The following DUSP22 variants were observed in gnomAD, a reference collection of about 807,000 sequenced individuals.
DUSP22 encodes the protein dual specificity phosphatase 22.
In DUSP22, 24 loss-of-function variants were observed where a neutral mutation model predicts 24.5. The observed-to-expected ratio is 0.98, with a 90% CI of 0.71 to 1.38. The LOEUF (loss-of-function observed/expected upper bound fraction) is 1.38, where lower values mean the gene tolerates loss of function less well. DUSP22 is among the 40% of genes most tolerant of loss of function. DUSP22 has a pLI of 0.00. For synonymous variants in DUSP22, 160 were observed against 106.4 expected (o/e 1.50, Z -3.10); for missense variants, 330 against 269.2 (o/e 1.23, Z -1.58).
intron 3 of DUSP22, among the ~76,000 whole-genome samples, chr6:322,830 T>TC (rs1554100349): frequency 9.6e-4 from 18 of 18,812 alleles, no homozygotes; most frequent in African/African-American, 2.9e-3. Context: ...GGCTGCTTGG[T>TC]GGGGCGGGGG....
chr6:309,183 G>A (rs1476554830), intron 2 of DUSP22, among the ~76,000 whole-genome samples: 1 of 152,304 alleles, frequency 6.6e-6, no homozygotes, highest in African/African-American at 2.4e-5. Context: ...CATGTGCTAT[G>A]TAGATGGCTC....
chr6:320,378 T>C (rs1162700292), intron 3 of DUSP22: 1 of 152,764 alleles, frequency 6.5e-6, no homozygotes, highest in Non-Finnish European at 1.5e-5. Flanking sequence ...TGTGGAGGAC[T>C]CTGCATTCTT....
At chr6:300,610 G>T (rs1006371217) in intron 1 of DUSP22, among the ~76,000 whole-genome samples, 34 of 152,282 alleles carry the variant, frequency 2.2e-4, no homozygotes, top group Admixed American at 5.2e-4. Context: ...TCCAGAAAGG[G>T]CAGAGTCTCC....
rs530697516 is a variant in DUSP22, at chr6:348,941, C to T, written c.608C>T (p.Thr203Met). 307 of 1,600,210 alleles carry T rather than the reference C, an allele frequency of 1.9e-4. No homozygotes were observed. The South Asian group carries it at 2.6e-3, about 13-fold the overall frequency. The change falls in exon 7 of 7, where the codon ACG becomes ATG. Residue 203 changes from threonine (T) to methionine (M), a missense_variant. Physicochemically the swap from Thr to Met is moderately conservative, Grantham distance 81. Coordinates refer to ENST00000419235, the MANE Select transcript of DUSP22 (RefSeq NM_001286555.3). ...CCGCTGACCTACGATAATTATACGA[C>T]GGAGACCTAACGCAAGCGACCTGCT... ...LAPLTYDNYT[T>M]ET
In DUSP22 at chr6:307,767, G is replaced by C. The variant is rs545463856; in HGVS notation, c.55+3106G>C. ...GAACGCTCTTAGGTACTGTGTGTAC[G>C]TGAGTGGTGTGCATTGAGACCATGT... On this transcript the variant is annotated intron_variant, in intron 2 of 6. Transcript: ENST00000419235. Among the ~76,000 whole-genome samples the C allele has an allele frequency of 4.6e-5, 7 of 152,418 alleles. No individual in the cohort carries two copies. The South Asian group carries it at 1.2e-3, about 27-fold the overall frequency.
rs1003371051 is a variant in DUSP22 at position 351,002 on chromosome 6, G to T, written c.*2051G>T. 2 of 1,266,924 alleles carry T rather than the reference G, an allele frequency of 1.6e-6. No homozygotes were observed. The highest frequency in any genetic ancestry group is 2.3e-6 in the Non-Finnish European group (2 of 883,874). The allele number at this position is 1,266,924 out of a possible 1,614,324, so 78.5% of individuals were successfully genotyped here. A position where few individuals can be genotyped will look rare whatever the true frequency, so the allele number is the denominator to read the frequency against. ...TTTTCATTTGAAGCTGAATATATAC[G>T]TAGTCATGTTTATGTTGAGAACTAA... On this transcript the variant is annotated 3_prime_UTR_variant, in exon 7 of 7. Coordinates refer to ENST00000419235, the MANE Select transcript of DUSP22 (RefSeq NM_001286555.3).
chr6:303,559 G>A (rs1463640155), intron 1 of DUSP22, among the ~76,000 whole-genome samples: 3 of 152,310 alleles, frequency 2.0e-5, no homozygotes, highest in Non-Finnish European at 2.9e-5. Context: ...GGGAGTGAAG[G>A]AAGATAGGGG....
At chr6:307,299 C>T (rs868693269) in intron 2 of DUSP22, among the ~76,000 whole-genome samples, 50 of 152,392 alleles carry the variant, frequency 3.3e-4, no homozygotes, top group African/African-American at 8.2e-4. Flanking sequence ...TTCCCCTTCC[C>T]GTTTCCTTTC....
chr6:341,678 A>G (rs952663356), intron 4 of DUSP22, among the ~76,000 whole-genome samples: 4 of 152,308 alleles, frequency 2.6e-5, no homozygotes, highest in Non-Finnish European at 4.4e-5. Context: ...TGGCCCTATC[A>G]TGATGCCTGC....
intron 1 of DUSP22, among the ~76,000 whole-genome samples, chr6:301,205 C>T (rs866105458): frequency 6.6e-6 from 1 of 152,238 alleles, no homozygotes; most frequent in Non-Finnish European, 1.5e-5. Flanking sequence ...GACTGGAAAA[C>T]CAATAAGATA....
Position 304,667 on chromosome 6 carries a change from T to G in DUSP22, c.55+6T>G. On this transcript the variant is annotated splice_donor_region_variant and intron_variant, in intron 2 of 6. Coordinates refer to ENST00000419235, the MANE Select transcript of DUSP22 (RefSeq NM_001286555.3). ...GTACATCGGCAACTTCAAAGGTGAG[T>G]TCTTGCTTTTTTATTGTTGTGATAA... 1 of 1,614,216 alleles carries G rather than the reference T, an allele frequency of 6.2e-7. No individual in the cohort carries two copies.
intron 3 of DUSP22, among the ~76,000 whole-genome samples, chr6:334,202 C>T (rs1335641962): frequency 1.3e-5 from 2 of 152,292 alleles, no homozygotes; most frequent in Non-Finnish European, 2.9e-5. Context: ...TGATGTGTAC[C>T]CCTAACATTG....
chr6:295,869 T>C (rs1389330248), intron 1 of DUSP22, among the ~76,000 whole-genome samples: 1 of 151,900 alleles, frequency 6.6e-6, no homozygotes, highest in East Asian at 1.9e-4. Context: ...TTATAAAATC[T>C]CAGCCTCACG....
At chr6:316,269 T>A (rs1261462376) in intron 3 of DUSP22, among the ~76,000 whole-genome samples, 2 of 152,270 alleles carry the variant, frequency 1.3e-5, no homozygotes, top group Non-Finnish European at 2.9e-5. Flanking sequence ...CCATAGCCCT[T>A]CAGGACTACA....
chr6:349,301 G>GC lies in DUSP22; in HGVS notation c.*350_*351insC. On this transcript the variant is annotated 3_prime_UTR_variant, in exon 7 of 7. Coordinates refer to ENST00000419235, the MANE Select transcript of DUSP22 (RefSeq NM_001286555.3). Reference sequence around the variant, plus strand: ...TATGTGCACCTAAGTGTGTACATGTGTGTATGTTGTGAAAGTGTCTGTGCA... The same window carrying GC: ...TATGTGCACCTAAGTGTGTACATGTGCTGTATGTTGTGAAAGTGTCTGTGCA... 1 of 1,204,406 alleles carries GC rather than the reference G, an allele frequency of 8.3e-7. No individual in the cohort carries two copies. Among genetic ancestry groups the GC allele is most frequent in the Non-Finnish European group, 1.0e-6 (1 of 962,514 alleles). The allele number at this position is 1,204,406 out of a possible 1,614,324, so 74.6% of individuals were successfully genotyped here.
At chr6:328,540 A>G (rs1053054262) in intron 3 of DUSP22, among the ~76,000 whole-genome samples, 2 of 152,302 alleles carry the variant, frequency 1.3e-5, no homozygotes, top group African/African-American at 4.8e-5. Context: ...TCACAGTATC[A>G]AACCAGAGGC....
chr6:326,073 C>A (rs1364087930), intron 3 of DUSP22: 1 of 231,172 alleles, frequency 4.3e-6, no homozygotes, highest in Non-Finnish European at 8.2e-6. Context: ...GGAGAGTCAT[C>A]TGCCCTGGGC....
intron 2 of DUSP22, among the ~76,000 whole-genome samples, chr6:308,372 T>C (rs1203683024): frequency 1.3e-5 from 2 of 152,294 alleles, no homozygotes; most frequent in African/African-American, 4.8e-5. Context: ...CAACCAATAG[T>C]GTGAAGTCTG....
intron 4 of DUSP22, chr6:338,217 G>A (rs952781060): frequency 6.6e-6 from 1 of 152,362 alleles, no homozygotes; most frequent in Non-Finnish European, 1.5e-5. Context: ...GTCCATGACT[G>A]TAAATATTGC....
Sources: allele counts gnomAD v4.1 joint callset (sites outside exome capture counted in the v4.1 genomes callset), GRCh38; gene constraint gnomAD v4.1.1; transcripts MANE v1.5; gene names NCBI Gene and HGNC (gene_info 2026-07-23, HGNC 2026-07-21).